TBCD: variants seen among roughly 807,000 people sequenced by gnomAD.
The protein encoded by TBCD is tubulin folding cofactor D, also known as tubulin-specific chaperone D.
A neutral mutation model predicts 169.3 loss-of-function variants in TBCD; 105 were observed. The observed-to-expected ratio is 0.62, with a 90% CI of 0.53 to 0.73. The LOEUF (loss-of-function observed/expected upper bound fraction) is 0.73. TBCD is among the 30% of genes least tolerant of loss of function. The probability of loss-of-function intolerance (pLI) is 0.00; values close to 1 mark genes in which losing one functional copy is unlikely to be tolerated. For synonymous variants in TBCD, 700 were observed against 643.9 expected, an observed-to-expected ratio of 1.09 and a Z score of -1.32; for missense variants, 1,444 against 1,600.1, an observed-to-expected ratio of 0.90 and a Z score of 1.66.
chr17:82,921,718 A>G lies in TBCD; in HGVS notation c.2178+141A>G, dbSNP rs1426666826. ...AACTGACAAATGGGGGCATAATTCT[A>G]TTTGGAATCCCGGATGGTAGCGTCT... is the stretch of plus-strand genomic sequence containing the variant. On this transcript the variant is annotated intron_variant, in intron 25 of 38. Transcript: ENST00000355528. 8.2e-6 allele frequency: 6 copies of G among 735,884 alleles called. No individual in the cohort carries two copies. The African/African-American group carries it at 8.7e-5, about 11-fold the overall frequency. 45.6% of individuals were successfully genotyped at this position (735,884 alleles called of 1,614,324 possible).
intron 9 of TBCD, 104 bp downstream of exon 9, chr17:82,801,100 A>T: frequency 1.4e-5 from 7 of 500,340 alleles, no homozygotes; most frequent in Admixed American, 1.7e-4. Context: ...CTGTTGGGGC[A>T]GGTGCTGTGG....
At position 82,836,986 on chromosome 17, in the gene TBCD, A is replaced by C. The variant is rs141919859; in HGVS notation, c.1318+22052A>C. Among the ~76,000 whole-genome samples, 320 of 152,270 alleles carry C rather than the reference A, an allele frequency of 2.1e-3. 2 individuals carry two copies. The highest frequency in any genetic ancestry group is 7.5e-3 in the African/African-American group (311 of 41,552). ...TTGCTCGAAGGGAATTGGTGTCGAT[A>C]TGGAGTCTCGGGCAGTGGTTTTAGT... On this transcript the variant is annotated intron_variant, in intron 13 of 38. Coordinates refer to ENST00000355528, the MANE Select transcript of TBCD (RefSeq NM_005993.5).
chr17:82,832,347 C>G lies in TBCD; in HGVS notation c.1318+17413C>G. The G allele has an allele frequency of 7.4e-6, 12 of 1,614,194 alleles. No individual in the cohort carries two copies. Among genetic ancestry groups the G allele is most frequent in the African/African-American group, 2.7e-5 (2 of 75,058 alleles). ...TCATGTGATTAAAAAGATGTGACTT[C>G]TCATTGCAAGTAAAGGGACATTGGA... On this transcript the variant is annotated intron_variant, in intron 13 of 38. Transcript: ENST00000355528. The surrounding 1 kb of genome is among the most constrained non-coding windows in gnomAD (Gnocchi z 4.9).
At chr17:82,891,698 C>A (rs978968343) in intron 16 of TBCD, among the ~76,000 whole-genome samples, 29 of 151,736 alleles carry the variant, frequency 1.9e-4, no homozygotes, top group African/African-American at 5.8e-4. Context: ...AAATGCGTTA[C>A]AGTGGAGGCC....
rs1377532723 is a variant in TBCD at position 82,806,719 on chromosome 17, C to T, written c.1087+708C>T. 1.3e-5 allele frequency among the ~76,000 whole-genome samples: 2 copies of T among 152,150 alleles called. No individual in the cohort carries two copies. Among genetic ancestry groups the T allele is most frequent in the Non-Finnish European group, 1.5e-5 (1 of 68,028 alleles). ...CACATCCCCGCCGCTCCCTCCAGGG[C>T]AGGTTTCTCCCCAGTCATCTGCACC... On this transcript the variant is annotated intron_variant, in intron 10 of 38. Transcript: ENST00000355528. This position sits in a 1 kb window ranked among gnomAD's most constrained non-coding sequence, Gnocchi z 5.1.
Position 82,768,699 on chromosome 17 carries a change from C to T in TBCD, c.582+133C>T, listed in dbSNP as rs190220411. 184 of 948,110 alleles carry T rather than the reference C, an allele frequency of 1.9e-4. 1 individual carries two copies. The highest frequency in any genetic ancestry group is 1.1e-3 in the East Asian group (39 of 36,452). The allele number at this position is 948,110 out of a possible 1,614,324, so 58.7% of individuals were successfully genotyped here. On this transcript the variant is annotated intron_variant, in intron 5 of 38. Coordinates refer to ENST00000355528, the MANE Select transcript of TBCD (RefSeq NM_005993.5). ...TGTTTTTTTCAGTGGGGTAAAATCC[C>T]ATAGGATAACTTATTTTGAAATTGT...
In TBCD at chr17:82,923,630, C is replaced by G; in HGVS notation, c.2179-22C>G. On this transcript the variant is annotated intron_variant, in intron 25 of 38. Transcript: ENST00000355528. This position sits in a 1 kb window ranked among gnomAD's most constrained non-coding sequence, Gnocchi z 4.6. ...TCTCCGAGCAGAGCTGCTGTGCGCT[C>G]ACCGTGCTGCCTTTGTTTTAGGATG... 6 of 1,553,528 alleles carry G rather than the reference C, an allele frequency of 3.9e-6. No individual in the cohort carries two copies. Among genetic ancestry groups the G allele is most frequent in the Non-Finnish European group, 5.2e-6 (6 of 1,146,810 alleles).
intron 27 of TBCD, among the ~76,000 whole-genome samples, chr17:82,925,854 C>A (rs538940074): frequency 1.3e-5 from 2 of 152,150 alleles, no homozygotes; most frequent in African/African-American, 2.4e-5. Flanking sequence ...AAGGGGGGGA[C>A]CTCAGGTAGG....
chr17:82,892,253 C>T (rs984544176), intron 16 of TBCD, among the ~76,000 whole-genome samples: 3 of 152,102 alleles, frequency 2.0e-5, no homozygotes, highest in African/African-American at 7.2e-5. Flanking sequence ...TCCCTGGGCT[C>T]CTGCCTGCTG....
rs1599200813 is a variant in TBCD at position 82,884,076 on chromosome 17, C to A, written c.1476-69C>A. On this transcript the variant is annotated intron_variant, in intron 14 of 38. Transcript: ENST00000355528. The surrounding 1 kb of genome is among the most constrained non-coding windows in gnomAD (Gnocchi z 4.2). The stretch of plus-strand genomic sequence containing the variant: ...CTGAGTCGTGAGAGAAAGGCTTTCT[C>A]ATCGATACTGTGTGGTCTGTACTGT... The A allele has an allele frequency of 6.9e-7, 1 of 1,456,176 alleles. No homozygotes were observed. Among genetic ancestry groups the A allele is most frequent in the Non-Finnish European group, 9.4e-7 (1 of 1,060,754 alleles). 90.2% of individuals were successfully genotyped at this position (1,456,176 alleles called of 1,614,324 possible).
At chr17:82,892,580 G>A (rs1368613829) in intron 16 of TBCD, among the ~76,000 whole-genome samples, 3 of 152,148 alleles carry the variant, frequency 2.0e-5, no homozygotes, top group Non-Finnish European at 2.9e-5. Flanking sequence ...AGTGCTGGCT[G>A]TTCAGTTACG....
intron 14 of TBCD, among the ~76,000 whole-genome samples, chr17:82,882,640 A>G (rs1451835969): frequency 6.6e-6 from 1 of 151,938 alleles, no homozygotes; most frequent in African/African-American, 2.4e-5. Context: ...GGGGTGACAG[A>G]CAGTGCGAGA....
Position 82,884,536 on chromosome 17 carries a change from C to T in TBCD, c.1533+334C>T, listed in dbSNP as rs767941189. Among the ~76,000 whole-genome samples the T allele has an allele frequency of 1.5e-4, 23 of 152,074 alleles. No individual in the cohort carries two copies. Among genetic ancestry groups the T allele is most frequent in the Non-Finnish European group, 3.1e-4 (21 of 68,024 alleles). On this transcript the variant is annotated intron_variant, in intron 15 of 38. Transcript: ENST00000355528. The surrounding 1 kb of genome is among the most constrained non-coding windows in gnomAD (Gnocchi z 4.2). ...AAGACGCAGAAGAGAGTGGGTTCTG[C>T]GAGGGTGGCCAGAATGTGGCGGCGG...
At chr17:82,927,007 G>A in intron 28 of TBCD, 179 bp from the exon 29 acceptor site, 1 of 867,076 alleles carries the variant, frequency 1.2e-6, no homozygotes, top group Non-Finnish European at 1.7e-6. Context: ...CGTGACCTCG[G>A]GGAAGCACGT....
intron 32 of TBCD, chr17:82,929,770 C>T: frequency 1.7e-6 from 1 of 585,038 alleles, no homozygotes. Context: ...CCAGCGTCCC[C>T]TCGGGGTTCA....
rs188323494 is a variant in TBCD at position 82,822,615 on chromosome 17, C to T, written c.1318+7681C>T. On this transcript the variant is annotated intron_variant, in intron 13 of 38. Coordinates refer to ENST00000355528, the MANE Select transcript of TBCD (RefSeq NM_005993.5). ...AAATTATTCAACATAAAGTCAGATACTGGGGAATACACGGGGGTGCAGTGG... is the reference window on the plus strand; with the variant it reads ...AAATTATTCAACATAAAGTCAGATATTGGGGAATACACGGGGGTGCAGTGG... Among the ~76,000 whole-genome samples, 28 of 152,226 alleles carry T rather than the reference C, an allele frequency of 1.8e-4. No homozygotes were observed. The East Asian group carries it at 4.8e-3, about 26-fold the overall frequency.
chr17:82,812,689 G>A (rs868021550), intron 12 of TBCD, among the ~76,000 whole-genome samples: 6 of 152,150 alleles, frequency 3.9e-5, no homozygotes, highest in East Asian at 3.9e-4. Context: ...GACTACAGGC[G>A]TGCACCACCA....
At position 82,782,396 on chromosome 17, in the gene TBCD, G is replaced by A. The variant is rs549744243; in HGVS notation, c.771+675G>A. Among the ~76,000 whole-genome samples the A allele has an allele frequency of 1.6e-3, 244 of 152,320 alleles. No individual in the cohort carries two copies. The highest frequency in any genetic ancestry group is 2.9e-3 in the Non-Finnish European group (199 of 67,992). On this transcript the variant is annotated intron_variant, in intron 7 of 38. Transcript: ENST00000355528. The surrounding 1 kb of genome is among the most constrained non-coding windows in gnomAD (Gnocchi z 5.1). ...TGGCCTTTGGCGTGGTGGGTTCAGC[G>A]CCTTCTTCTCTCTTTAATTACAGCG...
chr17:82,840,366 T>C (rs981008318), intron 13 of TBCD: 4 of 152,268 alleles, frequency 2.6e-5, no homozygotes, highest in African/African-American at 4.8e-5. Flanking sequence ...TGTGAGACTT[T>C]CCTTTAGAAC....
Sources: allele counts gnomAD v4.1 joint callset (sites outside exome capture counted in the v4.1 genomes callset), GRCh38; gene constraint gnomAD v4.1.1; non-coding constraint Gnocchi (gnomAD v3.1); transcripts MANE v1.5; gene names NCBI Gene and HGNC (gene_info 2026-07-23, HGNC 2026-07-21).